PDXK: variants seen among roughly 807,000 people sequenced by gnomAD.
PDXK encodes the protein epididymis secretory sperm binding protein Li 1a.
Under a neutral mutation model 43.2 loss-of-function variants are expected in PDXK, and 15 were observed. That is an observed-to-expected ratio of 0.35 (90% CI 0.23 to 0.53). PDXK has a LOEUF of 0.53. Among genes scored for constraint, PDXK ranks in the 20% least tolerant of loss-of-function variants. The pLI, the probability that PDXK is intolerant of heterozygous loss-of-function variation, is 0.92. For synonymous variants in PDXK, 172 were observed against 165.4 expected, an observed-to-expected ratio of 1.04 and a Z score of -0.31; for missense variants, 343 against 417.0, an observed-to-expected ratio of 0.82 and a Z score of 1.54.
intron 8 of PDXK, among the ~76,000 whole-genome samples, chr21:43,753,265 CGCACACACAT>C (rs1338587170): frequency 6.6e-6 from 1 of 152,210 alleles, no homozygotes; most frequent in Non-Finnish European, 1.5e-5. Context: ...CGTGGGCACA[CGCACACACAT>C]GCACACACAC....
chr21:43,750,355 G>C (rs1488021884), intron 6 of PDXK, 145 bp from the exon 7 acceptor site: 3 of 680,652 alleles, frequency 4.4e-6, no homozygotes, highest in African/African-American at 1.8e-5. Flanking sequence ...CAGGGGCCCC[G>C]GCCCAGGGTG....
At position 43,737,626 on chromosome 21, in the gene PDXK, A is replaced by G. The variant is rs988520918; in HGVS notation, c.142+3503A>G. 2.3e-5 allele frequency: 23 copies of G among 988,936 alleles called. No individual in the cohort carries two copies. The highest frequency in any genetic ancestry group is 3.5e-5 in the African/African-American group (2 of 57,178). The allele number at this position is 988,936 out of a possible 1,614,324, so 61.3% of individuals were successfully genotyped here. A position where few individuals can be genotyped will look rare whatever the true frequency, so the allele number is the denominator to read the frequency against. On this transcript the variant is annotated intron_variant, in intron 2 of 10. Coordinates refer to ENST00000291565, the MANE Select transcript of PDXK (RefSeq NM_003681.5). The surrounding 1 kb of genome is among the most constrained non-coding windows in gnomAD (Gnocchi z 4.8). ...GTGGTCCCTGCTGCAGGGAAGGGGC[A>G]GCTGGTGTGAACACAAGGAGCTGCG...
intron 6 of PDXK, among the ~76,000 whole-genome samples, chr21:43,749,817 A>T (rs1334855677): frequency 6.6e-6 from 1 of 152,090 alleles, no homozygotes; most frequent in East Asian, 1.9e-4. Flanking sequence ...CCGCCCTGTG[A>T]GGGGAAGAGG....
At position 43,719,399 on chromosome 21, in the gene PDXK, G is replaced by A; in HGVS notation, c.87+18G>A. On this transcript the variant is annotated intron_variant, in intron 1 of 10. Coordinates refer to ENST00000291565, the MANE Select transcript of PDXK (RefSeq NM_003681.5). ...CGCTGCAGGTACGCATCCGCCCGCAGCCCGGGCTTACGTAACCCGAGCCCG... is the reference window on the plus strand; with the variant it reads ...CGCTGCAGGTACGCATCCGCCCGCAACCCGGGCTTACGTAACCCGAGCCCG... The A allele has an allele frequency of 6.6e-7, 1 of 1,517,806 alleles. No individual in the cohort carries two copies. Among genetic ancestry groups the A allele is most frequent in the Admixed American group, 2.0e-5 (1 of 49,106 alleles). 94.0% of individuals were successfully genotyped at this position (1,517,806 alleles called of 1,614,324 possible). A position where few individuals can be genotyped will look rare whatever the true frequency, so the allele number is the denominator to read the frequency against.
Position 43,756,400 on chromosome 21 carries a change from G to A in PDXK, c.*337G>A. 3.9e-6 allele frequency: 1 copy of A among 259,608 alleles called. No individual in the cohort carries two copies. The highest frequency in any genetic ancestry group is 7.7e-6 in the Non-Finnish European group (1 of 130,096). 16.1% of individuals were successfully genotyped at this position (259,608 alleles called of 1,614,324 possible). A position where few individuals can be genotyped will look rare whatever the true frequency, so the allele number is the denominator to read the frequency against. Reference sequence around the variant, plus strand: ...GAGCCTGCTGCGTGTGGAGCCTCGAGTGGGCCCTGGCTGCCACTACCGTAC... The same window carrying A: ...GAGCCTGCTGCGTGTGGAGCCTCGAATGGGCCCTGGCTGCCACTACCGTAC... On this transcript the variant is annotated 3_prime_UTR_variant, in exon 11 of 11. Transcript: ENST00000291565.
chr21:43,729,510 C>T (rs1478211925), intron 1 of PDXK, among the ~76,000 whole-genome samples: 1 of 152,180 alleles, frequency 6.6e-6, no homozygotes, highest in South Asian at 2.1e-4. Context: ...CAGCCAGGGG[C>T]ATCAGCCGTG....
At chr21:43,733,954 G>A (rs1601795405) in intron 1 of PDXK, 115 bp from the exon 2 acceptor site, 2 of 1,019,604 alleles carry the variant, frequency 2.0e-6, no homozygotes, top group African/African-American at 1.6e-5. Context: ...GCAGCTGGGG[G>A]CCCCGTGCCA....
At chr21:43,749,618 C>T (rs2083699568) in intron 6 of PDXK, among the ~76,000 whole-genome samples, 1 of 151,000 alleles carries the variant, frequency 6.6e-6, no homozygotes, top group African/African-American at 2.4e-5. Flanking sequence ...CCACCTGGGT[C>T]CCAGGCTCAC....
intron 1 of PDXK, chr21:43,728,640 C>T: frequency 1.2e-6 from 1 of 852,418 alleles, no homozygotes; most frequent in Non-Finnish European, 1.4e-6. Context: ...GGGATGCTGC[C>T]GATAAGGCGC....
At chr21:43,725,298 G>A (rs942058479) in intron 1 of PDXK, among the ~76,000 whole-genome samples, 2 of 152,018 alleles carry the variant, frequency 1.3e-5, no homozygotes, top group South Asian at 2.1e-4. Flanking sequence ...ACTCCAGCAC[G>A]GGCGACAGAG....
rs199941051 is a variant in PDXK at position 43,743,786 on chromosome 21, C to G, written c.310C>G (p.Gln104Glu). 152 of 1,613,202 alleles carry G rather than the reference C, an allele frequency of 9.4e-5. No individual in the cohort carries two copies. Among genetic ancestry groups the G allele is most frequent in the Non-Finnish European group, 1.3e-4 (149 of 1,179,418 alleles). The change falls in exon 4 of 11, where the codon CAG becomes GAG. Residue 104 changes from glutamine (Q) to glutamate (E), a missense_variant. Physicochemically the swap from Gln to Glu is conservative, Grantham distance 29. Transcript: ENST00000291565. ...VVDIVQELKQ[Q>E]NPRLVYVCDP... ...GGACATTGTGCAGGAGCTGAAGCAG[C>G]AGAACCCCAGGCTGGTGTACGGTAG...
intron 2 of PDXK, among the ~76,000 whole-genome samples, chr21:43,736,595 C>T (rs758235262): frequency 2.7e-5 from 4 of 150,812 alleles, no homozygotes; most frequent in Admixed American, 6.6e-5. Flanking sequence ...AGCTCATTCG[C>T]GACTCTGCCC....
chr21:43,722,089 A>T (rs1052967025), intron 1 of PDXK, among the ~76,000 whole-genome samples: 1 of 152,186 alleles, frequency 6.6e-6, no homozygotes, highest in African/African-American at 2.4e-5. Context: ...AGTCAAGCAC[A>T]GACCTGCCCA....
chr21:43,719,445 G>T, intron 1 of PDXK, 64 bp downstream of exon 1: 1 of 1,443,654 alleles, frequency 6.9e-7, no homozygotes, highest in Non-Finnish European at 9.3e-7. Flanking sequence ...GGGGCTGCCC[G>T]AGACGAGCCT....
intron 1 of PDXK, among the ~76,000 whole-genome samples, chr21:43,727,934 G>A (rs935481300): frequency 6.6e-6 from 1 of 152,244 alleles, no homozygotes; most frequent in African/African-American, 2.4e-5. Context: ...GGCCATCTGG[G>A]CACTTCTGAG....
chr21:43,742,693 A>G (rs1229138933), intron 3 of PDXK, among the ~76,000 whole-genome samples: 1 of 152,094 alleles, frequency 6.6e-6, no homozygotes, highest in Admixed American at 6.5e-5. Flanking sequence ...CCTGAGCGGC[A>G]TAGTGAGACC....
Position 43,732,624 on chromosome 21 carries a change from T to G in PDXK, c.88-1445T>G. Reference sequence around the variant, plus strand: ...TTTTCAGGATTTGTGTCATCGTTGCTTAATATCTGTTTCTTCACAGTCGGT... The same window carrying G: ...TTTTCAGGATTTGTGTCATCGTTGCGTAATATCTGTTTCTTCACAGTCGGT... On this transcript the variant is annotated intron_variant, in intron 1 of 10. Coordinates refer to ENST00000291565, the MANE Select transcript of PDXK (RefSeq NM_003681.5). The surrounding 1 kb of genome is among the most constrained non-coding windows in gnomAD (Gnocchi z 4.1). 1.3e-6 allele frequency: 1 copy of G among 784,636 alleles called. No homozygotes were observed. Among genetic ancestry groups the G allele is most frequent in the South Asian group, 1.3e-5 (1 of 74,704 alleles). 48.6% of individuals were successfully genotyped at this position (784,636 alleles called of 1,614,324 possible). A position where few individuals can be genotyped will look rare whatever the true frequency, so the allele number is the denominator to read the frequency against.
At chr21:43,731,349 G>C (rs1166179799) in intron 1 of PDXK, among the ~76,000 whole-genome samples, 1 of 152,196 alleles carries the variant, frequency 6.6e-6, no homozygotes, top group African/African-American at 2.4e-5. Context: ...TGGATAAGAA[G>C]ATCCTCATGG....
intron 5 of PDXK, among the ~76,000 whole-genome samples, chr21:43,746,839 A>T (rs2083647020): frequency 6.6e-6 from 1 of 152,216 alleles, no homozygotes; most frequent in Admixed American, 6.5e-5. Context: ...CCATTTAAAA[A>T]TGTAGAAACC....
Sources: allele counts gnomAD v4.1 joint callset (sites outside exome capture counted in the v4.1 genomes callset), GRCh38; gene constraint gnomAD v4.1.1; non-coding constraint Gnocchi (gnomAD v3.1); transcripts MANE v1.5; gene names NCBI Gene and HGNC (gene_info 2026-07-23, HGNC 2026-07-21).